Variants in SLC35D2 observed in about 807,000 individuals in gnomAD.
The protein encoded by SLC35D2 is nucleotide sugar transporter SLC35D2.
A neutral mutation model predicts 41.8 loss-of-function variants in SLC35D2; 43 were observed. The ratio of observed to expected loss-of-function variants is 1.03; its 90% CI spans 0.81 to 1.33. The LOEUF is 1.33. SLC35D2 is among the 40% of genes most tolerant of loss of function. The pLI is 0.00. For missense variants in SLC35D2, 380 were observed against 408.4 expected, an observed-to-expected ratio of 0.93 and a Z score of 0.60; for synonymous variants, 150 against 163.9, an observed-to-expected ratio of 0.92 and a Z score of 0.65.
At chr9:96,348,011 C>A (rs912263454) in intron 6 of SLC35D2, among the ~76,000 whole-genome samples, 10 of 152,298 alleles carry the variant, frequency 6.6e-5, no homozygotes, top group African/African-American at 1.7e-4. Context: ...TAAAAATGGG[C>A]AACCAGCAGC....
intron 9 of SLC35D2, among the ~76,000 whole-genome samples, chr9:96,329,141 C>T (rs1340943711): frequency 6.6e-6 from 1 of 150,806 alleles, no homozygotes; most frequent in African/African-American, 2.4e-5. Context: ...AGAAATTCTA[C>T]AAGATTGAAT....
At chr9:96,335,694 T>C (rs1829017258) in intron 9 of SLC35D2, among the ~76,000 whole-genome samples, 1 of 152,128 alleles carries the variant, frequency 6.6e-6, no homozygotes, top group Non-Finnish European at 1.5e-5. Context: ...GATTTTCAAG[T>C]CTTTAGAAGA....
chr9:96,339,345 A>G (rs1245752251), intron 8 of SLC35D2, among the ~76,000 whole-genome samples: 1 of 152,160 alleles, frequency 6.6e-6, no homozygotes, highest in African/African-American at 2.4e-5. Flanking sequence ...TCTTGACCTC[A>G]TGATCTGCCC....
intron 9 of SLC35D2, among the ~76,000 whole-genome samples, chr9:96,330,945 T>A (rs1828780926): frequency 6.6e-6 from 1 of 152,224 alleles, no homozygotes; most frequent in African/African-American, 2.4e-5. Context: ...TCACCCAGGC[T>A]AGAGTGCAAT....
chr9:96,362,803 G>T (rs926256151), intron 3 of SLC35D2, among the ~76,000 whole-genome samples: 1 of 151,572 alleles, frequency 6.6e-6, no homozygotes, highest in Non-Finnish European at 1.5e-5. Flanking sequence ...TTCTCATGAT[G>T]ATTAGGTTGA....
intron 10 of SLC35D2, 104 bp from the exon 11 acceptor site, chr9:96,322,184 G>A: frequency 1.4e-6 from 1 of 736,848 alleles, no homozygotes; most frequent in Non-Finnish European, 2.4e-6. Context: ...TTTGCATAGA[G>A]ACTTGTACAT....
At chr9:96,362,823 T>C (rs1346077079) in intron 3 of SLC35D2, among the ~76,000 whole-genome samples, 1 of 151,932 alleles carries the variant, frequency 6.6e-6, no homozygotes, top group Non-Finnish European at 1.5e-5. Flanking sequence ...ACAGCTTTCA[T>C]ATACTTCAAC....
intron 4 of SLC35D2, among the ~76,000 whole-genome samples, chr9:96,358,964 G>A (rs1830153052): frequency 6.6e-6 from 1 of 151,744 alleles, no homozygotes. Context: ...CTGGGTGACT[G>A]TGCAAGACTC....
intron 9 of SLC35D2, among the ~76,000 whole-genome samples, chr9:96,329,744 T>C (rs1406991163): frequency 6.6e-6 from 1 of 152,252 alleles, no homozygotes; most frequent in African/African-American, 2.4e-5. Context: ...CACAGCCCTT[T>C]TGTGAGAGAA....
At chr9:96,337,748 G>A (rs928558357) in intron 8 of SLC35D2, among the ~76,000 whole-genome samples, 3 of 151,796 alleles carry the variant, frequency 2.0e-5, no homozygotes, top group East Asian at 2.0e-4. Flanking sequence ...TTGGGAGGCC[G>A]AGGCGGGTAG....
At chr9:96,359,617 A>C (rs1438314631) in intron 4 of SLC35D2, among the ~76,000 whole-genome samples, 1 of 151,906 alleles carries the variant, frequency 6.6e-6, no homozygotes, top group African/African-American at 2.4e-5. Context: ...TTGAACTCAG[A>C]AGGTGGAGGT....
intron 9 of SLC35D2, among the ~76,000 whole-genome samples, chr9:96,336,051 A>G (rs879325891): frequency 1.1e-5 from 1 of 87,562 alleles, no homozygotes; most frequent in South Asian, 2.8e-4. Flanking sequence ...CTCCATCTTC[A>G]AAAAAAAAAA....
At chr9:96,319,310 G>A (rs1054288820), downstream of SLC35D2, among the ~76,000 whole-genome samples, 1 of 152,116 alleles carries the variant, frequency 6.6e-6, no homozygotes, top group Non-Finnish European at 1.5e-5. Context: ...CTCACAAAGA[G>A]AGTAGAATGG....
downstream of SLC35D2, among the ~76,000 whole-genome samples, chr9:96,319,122 C>T (rs1229997261): frequency 6.6e-6 from 1 of 152,178 alleles, no homozygotes; most frequent in Admixed American, 6.5e-5. Context: ...AGCCGAGTGT[C>T]CATCAGCAGA....
At chr9:96,341,947 A>AT (rs58568693) in intron 8 of SLC35D2, among the ~76,000 whole-genome samples, 11,298 of 151,014 alleles carry the variant, frequency 0.075, 1,275 homozygotes, top group African/African-American at 0.24. Context: ...GGAAAAAAAA[A>AT]ATATATATAT....
At chr9:96,375,449 A>G (rs1235639366) in intron 1 of SLC35D2, among the ~76,000 whole-genome samples, 2 of 151,120 alleles carry the variant, frequency 1.3e-5, no homozygotes, top group Non-Finnish European at 2.9e-5. Context: ...ATGGTGGCTC[A>G]TGCCTGTAAT....
rs1466213329 is a variant in SLC35D2, at chr9:96,344,086, G to A, written c.592-90C>T. On this transcript the variant is annotated intron_variant, in intron 7 of 11. Coordinates refer to ENST00000253270, the MANE Select transcript of SLC35D2 (RefSeq NM_007001.3). ...CATTTATACAACTGCATATTCATGC[G>A]AAGTTAGAATGTGCATTCTGAGCAA... 1.4e-5 allele frequency: 10 copies of A among 725,128 alleles called. 1 individual carries two copies. The highest frequency in any genetic ancestry group is 4.9e-4 in the Middle Eastern group (2 of 4,072). 44.9% of individuals were successfully genotyped at this position (725,128 alleles called of 1,614,324 possible).
intron 6 of SLC35D2, among the ~76,000 whole-genome samples, chr9:96,346,558 T>C (rs1038485897): frequency 1.3e-5 from 2 of 152,182 alleles, no homozygotes; most frequent in Non-Finnish European, 1.5e-5. Context: ...CTTCCTGATC[T>C]GTTGATTCTC....
intron 4 of SLC35D2, among the ~76,000 whole-genome samples, chr9:96,355,491 G>GA (rs536515204): frequency 0.17 from 25,292 of 145,278 alleles, 2,395 homozygotes; most frequent in African/African-American, 0.26. Context: ...TTGTCTCTAA[G>GA]AAAAAAAAAA....
Sources: allele counts gnomAD v4.1 joint callset (sites outside exome capture counted in the v4.1 genomes callset), GRCh38; gene constraint gnomAD v4.1.1; transcripts MANE v1.5; gene names NCBI Gene and HGNC (gene_info 2026-07-23, HGNC 2026-07-21).